The following HHAT variants were observed in gnomAD, a reference collection of about 807,000 sequenced individuals.
The protein encoded by HHAT is hedgehog acyltransferase.
HHAT carries 47 observed loss-of-function variants against 70.8 expected under a neutral mutation model. That is an observed-to-expected ratio of 0.66 (90% CI 0.53 to 0.85). HHAT has a LOEUF of 0.85. HHAT is among the 40% of genes least tolerant of loss of function. HHAT has a pLI of 0.00. For synonymous variants in HHAT, 228 were observed against 247.6 expected (o/e 0.92, Z 0.74); for missense variants, 609 against 604.8 (o/e 1.01, Z -0.07).
rs137941237 is a variant in HHAT at position 210,531,982 on chromosome 1, A to G, written c.1043+18794A>G. 1.3e-3 allele frequency among the ~76,000 whole-genome samples: 194 copies of G among 152,322 alleles called. 1 individual carries two copies. Among genetic ancestry groups the G allele is most frequent in the African/African-American group, 4.5e-3 (186 of 41,578 alleles). On this transcript the variant is annotated intron_variant, in intron 9 of 11. Transcript: ENST00000261458. ...CATGTGATCCCAGGGGGAAGGTCCGACCTTCAAAATGTATGTGGACTAGAA... is the reference window on the plus strand; with the variant it reads ...CATGTGATCCCAGGGGGAAGGTCCGGCCTTCAAAATGTATGTGGACTAGAA...
intron 8 of HHAT, among the ~76,000 whole-genome samples, chr1:210,505,652 A>G (rs1028360800): frequency 1.3e-5 from 2 of 152,156 alleles, no homozygotes; most frequent in African/African-American, 4.8e-5. Flanking sequence ...TGTGCAAATT[A>G]GTTCTCAAAC....
intron 7 of HHAT, among the ~76,000 whole-genome samples, chr1:210,431,430 T>A (rs990189520): frequency 6.6e-6 from 1 of 151,768 alleles, no homozygotes; most frequent in Non-Finnish European, 1.5e-5. Flanking sequence ...ATATTTTTGG[T>A]CTCCAAGGAC....
intron 9 of HHAT, among the ~76,000 whole-genome samples, chr1:210,580,377 T>TAA (rs200975347): frequency 3.2e-5 from 4 of 126,154 alleles, no homozygotes; most frequent in African/African-American, 5.3e-5. Flanking sequence ...TTTCTTTCTT[T>TAA]AAAAAAAAAA....
chr1:210,394,756 G>C (rs141095658), intron 4 of HHAT, among the ~76,000 whole-genome samples: 4 of 152,120 alleles, frequency 2.6e-5, no homozygotes, highest in South Asian at 2.1e-4. Flanking sequence ...CCTCTGGAAG[G>C]CTGCAGGGAG....
intron 7 of HHAT, among the ~76,000 whole-genome samples, chr1:210,431,817 A>G (rs1472618621): frequency 6.6e-6 from 1 of 151,932 alleles, no homozygotes; most frequent in Non-Finnish European, 1.5e-5. Flanking sequence ...GGCAGCCAGT[A>G]CTTTGTATTA....
At chr1:210,507,899 TG>T (rs1260844456) in intron 8 of HHAT, among the ~76,000 whole-genome samples, 3 of 151,954 alleles carry the variant, frequency 2.0e-5, no homozygotes, top group Non-Finnish European at 4.4e-5. Context: ...TTCCACATTA[TG>T]TTAAAAAATC....
chr1:210,446,441 G>A (rs964652974), intron 7 of HHAT, among the ~76,000 whole-genome samples: 1 of 152,188 alleles, frequency 6.6e-6, no homozygotes, highest in East Asian at 1.9e-4. Context: ...ATTGTGGGGT[G>A]TAAAACTTGC....
intron 11 of HHAT, among the ~76,000 whole-genome samples, chr1:210,656,393 C>G (rs1489752493): frequency 1.5e-5 from 2 of 130,524 alleles, no homozygotes; most frequent in Admixed American, 1.7e-4. Flanking sequence ...TACCCTCAGG[C>G]TGAGCACACA....
chr1:210,456,321 T>C (rs1394327337), intron 7 of HHAT, among the ~76,000 whole-genome samples: 1 of 152,144 alleles, frequency 6.6e-6, no homozygotes, highest in Admixed American at 6.5e-5. Flanking sequence ...CTGTCTCCCC[T>C]CTCTCCCTGG....
At chr1:210,445,286 A>G (rs1558529619) in intron 7 of HHAT, among the ~76,000 whole-genome samples, 2 of 152,192 alleles carry the variant, frequency 1.3e-5, no homozygotes, top group South Asian at 4.1e-4. Context: ...ATAATCTACA[A>G]GGATTTGCAA....
rs139028708 is a variant in HHAT at position 210,400,838 on chromosome 1, T to TATC, written c.468+179_468+181dup. 8.7e-3 allele frequency among the ~76,000 whole-genome samples: 1,322 copies of TATC among 152,356 alleles called. 23 individuals are homozygous for TATC. Among genetic ancestry groups the TATC allele is most frequent in the African/African-American group, 0.031 (1,272 of 41,580 alleles). On this transcript the variant is annotated intron_variant, in intron 5 of 11. Coordinates refer to ENST00000261458, the MANE Select transcript of HHAT (RefSeq NM_018194.6). ...ACCCTAGTGGTGCATTCTGCAATCC[T>TATC]ATCATTCCTGGCTGTGTTTTAGCCC... is the stretch of plus-strand genomic sequence containing the variant.
intron 8 of HHAT, among the ~76,000 whole-genome samples, chr1:210,476,201 T>C (rs1003250654): frequency 6.6e-6 from 1 of 152,228 alleles, no homozygotes. Flanking sequence ...ACAGACAACA[T>C]TTGTTTTGTG....
intron 3 of HHAT, among the ~76,000 whole-genome samples, chr1:210,363,895 A>G (rs1024012550): frequency 6.6e-6 from 1 of 152,172 alleles, no homozygotes; most frequent in Admixed American, 6.5e-5. Context: ...TCTGCTTGCA[A>G]ATGAACTTTT....
intron 7 of HHAT, among the ~76,000 whole-genome samples, chr1:210,445,877 CT>C (rs112654722): frequency 0.16 from 23,349 of 147,138 alleles, 1,884 homozygotes; most frequent in East Asian, 0.22. Flanking sequence ...GTTACAGGCT[CT>C]TTTTTTTTTT....
At chr1:210,518,423 T>C (rs1264057612) in intron 9 of HHAT, among the ~76,000 whole-genome samples, 1 of 152,216 alleles carries the variant, frequency 6.6e-6, no homozygotes, top group African/African-American at 2.4e-5. Context: ...GATTTCATTC[T>C]TTTTTATGGC....
At chr1:210,389,302 C>G (rs112318549) in intron 4 of HHAT, among the ~76,000 whole-genome samples, 1 of 152,182 alleles carries the variant, frequency 6.6e-6, no homozygotes, top group African/African-American at 2.4e-5. Flanking sequence ...TTGCTGACAT[C>G]GCGGCAATCC....
At chr1:210,494,425 G>A (rs1215109827) in intron 8 of HHAT, among the ~76,000 whole-genome samples, 5 of 151,884 alleles carry the variant, frequency 3.3e-5, no homozygotes, top group Admixed American at 3.3e-4. Flanking sequence ...AGTCAAATAT[G>A]ACTGCAGGGT....
chr1:210,645,562 G>T (rs577179123), intron 11 of HHAT, among the ~76,000 whole-genome samples: 2 of 152,274 alleles, frequency 1.3e-5, no homozygotes, highest in East Asian at 3.9e-4. Flanking sequence ...AACACATTTT[G>T]ACAAGTTGAT....
chr1:210,341,482 G>A (rs901662536), intron 1 of HHAT, among the ~76,000 whole-genome samples: 1 of 152,186 alleles, frequency 6.6e-6, no homozygotes, highest in Non-Finnish European at 1.5e-5. Flanking sequence ...TCAAGGAACA[G>A]GATTTCTGCC....
Sources: allele counts gnomAD v4.1 joint callset (sites outside exome capture counted in the v4.1 genomes callset), GRCh38; gene constraint gnomAD v4.1.1; transcripts MANE v1.5; gene names NCBI Gene and HGNC (gene_info 2026-07-23, HGNC 2026-07-21).